Variants in RAPGEF2 observed in about 807,000 individuals in gnomAD.
The protein encoded by RAPGEF2 is Rap guanine nucleotide exchange factor 2.
A neutral mutation model predicts 186.7 loss-of-function variants in RAPGEF2; 54 were observed. The ratio of observed to expected loss-of-function variants is 0.29; its 90% CI spans 0.23 to 0.36. RAPGEF2 has a LOEUF of 0.36. Ranked by LOEUF, RAPGEF2 falls within the 10% of genes least tolerant of loss-of-function variation. RAPGEF2 has a pLI of 1.00. For synonymous variants in RAPGEF2, 712 were observed against 705.9 expected (o/e 1.01, Z -0.14); for missense variants, 1,532 against 2,045.0 (o/e 0.75, Z 4.84).
chr4:159,198,422 C>G (rs1749046363), intron 3 of RAPGEF2, among the ~76,000 whole-genome samples: 1 of 129,764 alleles, frequency 7.7e-6, no homozygotes, highest in South Asian at 2.5e-4. Flanking sequence ...TCCTCTCTCT[C>G]TCTCTCTCTC....
At chr4:159,234,739 GGCATGA>G (rs1039966098) in intron 4 of RAPGEF2, among the ~76,000 whole-genome samples, 1 of 151,038 alleles carries the variant, frequency 6.6e-6, no homozygotes. Context: ...GGGGATTATA[GGCATGA>G]GCCACTGCTC....
chr4:159,247,979 C>G (rs558537846), intron 7 of RAPGEF2, among the ~76,000 whole-genome samples: 1 of 151,932 alleles, frequency 6.6e-6, no homozygotes, highest in Admixed American at 6.5e-5. Context: ...TCAGGCTGGT[C>G]GCGAACTCCC....
chr4:159,351,860 A>G (rs1731223021), intron 26 of RAPGEF2, among the ~76,000 whole-genome samples: 2 of 152,116 alleles, frequency 1.3e-5, no homozygotes. Context: ...CTGAGGCAGG[A>G]GAATCGCTTG....
At chr4:159,295,634 A>G (rs567781671) in intron 7 of RAPGEF2, among the ~76,000 whole-genome samples, 7 of 151,686 alleles carry the variant, frequency 4.6e-5, no homozygotes, top group African/African-American at 1.7e-4. Context: ...TAATAATTCT[A>G]CTATTGTTCT....
chr4:159,349,609 G>A (rs1004398049), intron 25 of RAPGEF2, among the ~76,000 whole-genome samples: 2 of 152,114 alleles, frequency 1.3e-5, no homozygotes, highest in African/African-American at 2.4e-5. Flanking sequence ...TAACTGCATG[G>A]AATTCCTTAG....
chr4:159,128,405 A>C (rs567794424), intron 1 of RAPGEF2, among the ~76,000 whole-genome samples: 1 of 152,280 alleles, frequency 6.6e-6, no homozygotes, highest in Admixed American at 6.5e-5. Context: ...TATATGAGAA[A>C]GTACTTCGCA....
intron 1 of RAPGEF2, among the ~76,000 whole-genome samples, chr4:159,176,821 T>A (rs1362379813): frequency 6.6e-6 from 1 of 152,162 alleles, no homozygotes; most frequent in East Asian, 1.9e-4. Context: ...AGTCTGTAGG[T>A]CCAAATGTTA....
intron 9 of RAPGEF2, among the ~76,000 whole-genome samples, chr4:159,318,925 ACGTT>A (rs1289228106): frequency 2.6e-5 from 4 of 152,168 alleles, no homozygotes; most frequent in Non-Finnish European, 5.9e-5. Context: ...TTTTCCATAA[ACGTT>A]AGATAGGTCA....
chr4:159,241,779 C>G (rs2111478453), intron 6 of RAPGEF2, among the ~76,000 whole-genome samples: 1 of 152,072 alleles, frequency 6.6e-6, no homozygotes, highest in East Asian at 1.9e-4. Context: ...CCCTCCTGTG[C>G]ACTCCACCCT....
rs1764330017 is a variant in RAPGEF2, at chr4:159,314,621, C to T, written c.706C>T (p.Leu236=). The part of the protein sequence containing the change: ...ATESEAGDMD[L]SGLPETAVDS... ...AGAAAGCGAGGCTGGTGATATGGAC[C>T]TGAGTGGGTTGCCAGAAACAGCAGT... The change falls in exon 9 of 30, where the codon CTG becomes TTG. Residue 236 remains leucine (L), a synonymous_variant. Coordinates refer to ENST00000691494, the MANE Select transcript of RAPGEF2 (RefSeq NM_001394067.2). 6.2e-7 allele frequency: 1 copy of T among 1,613,496 alleles called. No homozygotes were observed. The highest frequency in any genetic ancestry group is 8.5e-7 in the Non-Finnish European group (1 of 1,179,784).
In RAPGEF2 at chr4:159,322,328, T is replaced by G; in HGVS notation, c.854-19T>G. On this transcript the variant is annotated intron_variant, in intron 9 of 29. Transcript: ENST00000691494. ...AATAAAAGTAGTAGTTTTTACAAAGTATGTCTTTTGCTTTTCAGAACAACT... is the reference window on the plus strand; with the variant it reads ...AATAAAAGTAGTAGTTTTTACAAAGGATGTCTTTTGCTTTTCAGAACAACT... 2.5e-6 allele frequency: 4 copies of G among 1,610,502 alleles called. No homozygotes were observed. Among genetic ancestry groups the G allele is most frequent in the Non-Finnish European group, 3.4e-6 (4 of 1,177,154 alleles).
chr4:159,282,819 A>G (rs536752385), intron 7 of RAPGEF2, among the ~76,000 whole-genome samples: 10 of 152,256 alleles, frequency 6.6e-5, no homozygotes, highest in African/African-American at 1.9e-4. Flanking sequence ...TTCTATTGCA[A>G]TGTGATTCAA....
chr4:159,342,593 T>TTATGTTATGTTATG (rs1729684533), intron 20 of RAPGEF2, among the ~76,000 whole-genome samples: 1 of 146,602 alleles, frequency 6.8e-6, no homozygotes, highest in African/African-American at 2.5e-5. Flanking sequence ...TTTATTTTAT[T>TTATGTTATGTTATG]TTATTTTATT....
chr4:159,140,989 G>T lies in RAPGEF2; in HGVS notation c.69+36758G>T, dbSNP rs1009355736. Among the ~76,000 whole-genome samples, 3 of 151,950 alleles carry T rather than the reference G, an allele frequency of 2.0e-5. No individual in the cohort carries two copies. The East Asian group carries it at 5.8e-4, about 29-fold the overall frequency. ...TGGGACTGGAGGCGCCTGCCACCAC[G>T]GCTGGCTAATTTTTGTATTTTCAGT... On this transcript the variant is annotated intron_variant, in intron 1 of 29. Coordinates refer to ENST00000691494, the MANE Select transcript of RAPGEF2 (RefSeq NM_001394067.2).
chr4:159,267,726 A>T (rs1227573967), intron 7 of RAPGEF2: 1 of 1,005,818 alleles, frequency 9.9e-7, no homozygotes, highest in African/African-American at 1.7e-5. Context: ...CACCCTGACT[A>T]ATATAATTCT....
rs141621862 is a variant in RAPGEF2 at position 159,318,962 on chromosome 4, G to A, written c.854-3385G>A. On this transcript the variant is annotated intron_variant, in intron 9 of 29. Transcript: ENST00000691494. ...TCATAATAGTGTATCATTCTAATAG[G>A]TAAGTGTATAATTCTATAGATTGTT... 3.0e-3 allele frequency among the ~76,000 whole-genome samples: 455 copies of A among 152,158 alleles called. 3 individuals are homozygous for A. Among genetic ancestry groups the A allele is most frequent in the African/African-American group, 0.011 (439 of 41,508 alleles).
chr4:159,260,608 T>C (rs1756716805), intron 7 of RAPGEF2, among the ~76,000 whole-genome samples: 1 of 152,152 alleles, frequency 6.6e-6, no homozygotes. Context: ...GCCTCTACTT[T>C]TAAGATTTTT....
At chr4:159,113,599 A>G (rs752152858) in intron 1 of RAPGEF2, among the ~76,000 whole-genome samples, 1 of 152,028 alleles carries the variant, frequency 6.6e-6, no homozygotes, top group Non-Finnish European at 1.5e-5. Flanking sequence ...AAAATTAGCC[A>G]GGAGTGGTGG....
chr4:159,196,818 GT>G (rs750002468), intron 3 of RAPGEF2, among the ~76,000 whole-genome samples: 2 of 152,220 alleles, frequency 1.3e-5, no homozygotes, highest in Non-Finnish European at 2.9e-5. Context: ...TGGTGTTATT[GT>G]TTTAACATGA....
Sources: gnomAD v4.1 joint callset for allele counts (sites outside exome capture counted in the v4.1 genomes callset) on GRCh38, gnomAD v4.1.1 for gene constraint, MANE v1.5 for transcripts, NCBI Gene and HGNC (gene_info 2026-07-23, HGNC 2026-07-21) for gene names.